Variants in ITM2A observed in about 807,000 individuals in gnomAD.
The protein encoded by ITM2A is integral membrane protein 2A.
In ITM2A, 11 loss-of-function variants were observed where a neutral mutation model predicts 16.6. The ratio of observed to expected loss-of-function variants is 0.66; its 90% CI spans 0.42 to 1.10. The LOEUF is 1.10. ITM2A is among the 50% of genes least tolerant of loss of function. The pLI is 0.00. For missense variants in ITM2A, 243 were observed against 206.8 expected, an observed-to-expected ratio of 1.17 and a Z score of -1.07; for synonymous variants, 102 against 71.2, an observed-to-expected ratio of 1.43 and a Z score of -2.18.
Position 79,361,016 on chromosome X carries a change from A to G in ITM2A, c.*73T>C, listed in dbSNP as rs1372699121. On this transcript the variant is annotated 3_prime_UTR_variant, in exon 6 of 6. Coordinates refer to ENST00000373298, the MANE Select transcript of ITM2A (RefSeq NM_004867.5). ...CATGAGTAAATATCTTGAGTATCCC[A>G]TAAACCTTAATGTTAAAGTCATATT... 1 of 588,933 alleles carries G rather than the reference A, an allele frequency of 1.7e-6. No individual in the cohort carries two copies. Among genetic ancestry groups the G allele is most frequent in the Non-Finnish European group, 2.7e-6 (1 of 369,746 alleles). The allele number at this position is 588,933 out of a possible 1,213,427, so 48.5% of individuals were successfully genotyped here. A position where few individuals can be genotyped will look rare whatever the true frequency, so the allele number is the denominator to read the frequency against.
intron 4 of ITM2A, 85 bp downstream of exon 4, chrX:79,362,496 G>T: frequency 1.2e-5 from 6 of 489,750 alleles, no homozygotes; most frequent in Non-Finnish European, 1.4e-5. Flanking sequence ...AAATGTTTTG[G>T]ACAAATTCAT....
chrX:79,364,922 G>A (rs1187923930), intron 1 of ITM2A, among the ~76,000 whole-genome samples: 1 of 108,712 alleles, frequency 9.2e-6, no homozygotes, highest in Non-Finnish European at 1.9e-5. Flanking sequence ...GCTTTTCTGT[G>A]TCCCAGTAAT....
At chrX:79,365,068 G>A (rs1465733194) in intron 1 of ITM2A, among the ~76,000 whole-genome samples, 3 of 111,049 alleles carry the variant, frequency 2.7e-5, no homozygotes, top group African/African-American at 9.8e-5. Context: ...TTATATTTTA[G>A]ATGACTAAAA....
rs1925401006 is a variant in ITM2A, at chrX:79,361,105, T to G, written c.776A>C (p.Lys259Thr). The change falls in exon 6 of 6, where the codon AAG (lysine) becomes ACG (threonine). Residue 259 changes from lysine (K) to threonine (T), a missense_variant. Physicochemically the swap from Lys to Thr is moderately conservative, Grantham distance 78 (BLOSUM62 -1). Coordinates refer to ENST00000373298, the MANE Select transcript of ITM2A (RefSeq NM_004867.5). ...HFPNEFIVET[K>T]ICQE ...TGTTGCCTCTTACTCTTGACAGATCTTGGTCTCAACAATAAATTCGTTGGG... is the reference window on the plus strand; with the variant it reads ...TGTTGCCTCTTACTCTTGACAGATCGTGGTCTCAACAATAAATTCGTTGGG... The G allele has an allele frequency of 1.7e-6, 2 of 1,189,869 alleles. No homozygotes were observed. Among genetic ancestry groups the G allele is most frequent in the African/African-American group, 1.8e-5 (1 of 56,821 alleles).
At chrX:79,366,568 C>T (rs939008559) in intron 1 of ITM2A, among the ~76,000 whole-genome samples, 1 of 111,416 alleles carries the variant, frequency 9.0e-6, no homozygotes, top group African/African-American at 3.3e-5. Context: ...CCAACCCATA[C>T]TGCTTGGAGT....
chrX:79,362,396 C>A (rs1306026212), intron 4 of ITM2A, among the ~76,000 whole-genome samples, 185 bp downstream of exon 4: 1 of 111,830 alleles, frequency 8.9e-6, no homozygotes, highest in African/African-American at 3.3e-5. Flanking sequence ...CTTTCCTACA[C>A]CAGATAATGA....
At position 79,362,980 on chromosome X, in the gene ITM2A, C is replaced by T. The variant is rs200931873; in HGVS notation, c.403G>A (p.Asp135Asn). 2.5e-6 allele frequency: 3 copies of T among 1,205,512 alleles called. No homozygotes were observed. The African/African-American group carries it at 5.3e-5, about 21-fold the overall frequency. The change falls in exon 3 of 6, where the codon GAT (aspartate) becomes AAT (asparagine). Residue 135 changes from aspartate to asparagine, a missense_variant. Coordinates refer to ENST00000373298, the MANE Select transcript of ITM2A (RefSeq NM_004867.5). ...IIDVPVPSFS[D>N]SDPAAIIHDF... ...TGAATAATTGCTGCAGGGTCACTAT[C>T]AGAGAAACTGGGGACAGGCACATCA...
chrX:79,361,346 C>T lies in ITM2A; in HGVS notation c.686G>A (p.Arg229His), dbSNP rs781097959. 20 of 1,208,044 alleles carry T rather than the reference C, an allele frequency of 1.7e-5. No individual in the cohort carries two copies. Among genetic ancestry groups the T allele is most frequent in the Non-Finnish European group, 2.2e-5 (20 of 892,918 alleles). Reference protein sequence around the residue: ...CNNRKSFRLRRRDLLLGFNKR... With the variant: ...CNNRKSFRLRHRDLLLGFNKR... ...TTACTTACCCAGCAAGAGGTCTCTG[C>T]GACGAAGGCGGAAGGACTTTCTGTT... is the stretch of plus-strand genomic sequence containing the variant. Residue 229 changes from arginine to histidine, a missense_variant, in exon 5 of 6, where the codon CGC becomes CAC. Physicochemically the swap from Arg to His is conservative, Grantham distance 29 (BLOSUM62 0). Coordinates refer to ENST00000373298, the MANE Select transcript of ITM2A (RefSeq NM_004867.5).
Position 79,363,548 on chromosome X carries a change from G to C in ITM2A, c.118C>G (p.Arg40Gly). ...RTQILTGKEL[R>G]VATQEKEGSS... The stretch of plus-strand genomic sequence containing the variant: ...CCCTCTTTTTCCTGGGTGGCAACTC[G>C]GAGCTCCTATTTATTAAAAAGCAAA... Residue 40 changes from arginine (R) to glycine (G), a missense_variant, in exon 2 of 6, where the codon CGA becomes GGA. Physicochemically the swap from Arg to Gly is moderately radical, Grantham distance 125. Coordinates refer to ENST00000373298, the MANE Select transcript of ITM2A (RefSeq NM_004867.5). The C allele has an allele frequency of 8.5e-7, 1 of 1,173,381 alleles. No homozygotes were observed. The highest frequency in any genetic ancestry group is 2.4e-5 in the Admixed American group (1 of 41,468).
intron 1 of ITM2A, among the ~76,000 whole-genome samples, chrX:79,366,503 A>G (rs1260238916): frequency 9.0e-6 from 1 of 110,711 alleles, no homozygotes; most frequent in African/African-American, 3.3e-5. Flanking sequence ...GTTTAAAGCC[A>G]CCTATGACCA....
intron 1 of ITM2A, among the ~76,000 whole-genome samples, chrX:79,365,555 G>A (rs767621274): frequency 9.0e-6 from 1 of 110,737 alleles, no homozygotes; most frequent in Non-Finnish European, 1.9e-5. Context: ...TATAATCAAA[G>A]TGCAAATGCT....
chrX:79,362,922 T>C lies in ITM2A; in HGVS notation c.441+20A>G. 8.7e-7 allele frequency: 1 copy of C among 1,148,449 alleles called. No individual in the cohort carries two copies. Among genetic ancestry groups the C allele is most frequent in the East Asian group, 3.0e-5 (1 of 33,573 alleles). The allele number at this position is 1,148,449 out of a possible 1,213,427, so 94.6% of individuals were successfully genotyped here. A position where few individuals can be genotyped will look rare whatever the true frequency, so the allele number is the denominator to read the frequency against. On this transcript the variant is annotated intron_variant, in intron 3 of 5. Transcript: ENST00000373298. ...GAGAGAAAAAAAATCCTGGAATATT[T>C]ATAAGAATGAGAAGCCCACCTTTTC...
In ITM2A at chrX:79,363,425, T is replaced by C; in HGVS notation, c.241A>G (p.Lys81Glu). ...GACIYKYFMPKSTIYRGEMCF... is the reference protein window; with the variant it reads ...GACIYKYFMPESTIYRGEMCF... Reference sequence around the variant, plus strand: ...ATAATTATAATTATTATTATTACCTTGGGCATGAAGTACTTGTAAATGCAG... The same window carrying C: ...ATAATTATAATTATTATTATTACCTCGGGCATGAAGTACTTGTAAATGCAG... The change falls in exon 2 of 6, where the codon AAG becomes GAG. Residue 81 changes from lysine (K) to glutamate (E), a missense_variant and splice_region_variant. By Grantham distance (56) the Lys-to-Glu change is moderately conservative. Transcript: ENST00000373298. 1 of 1,118,952 alleles carries C rather than the reference T, an allele frequency of 8.9e-7. No individual in the cohort carries two copies. The highest frequency in any genetic ancestry group is 1.2e-6 in the Non-Finnish European group (1 of 842,213). 92.2% of individuals were successfully genotyped at this position (1,118,952 alleles called of 1,213,427 possible). A position where few individuals can be genotyped will look rare whatever the true frequency, so the allele number is the denominator to read the frequency against.
chrX:79,363,502 A>G lies in ITM2A; in HGVS notation c.164T>C (p.Leu55Pro), dbSNP rs1297788287. Residue 55 changes from leucine to proline, a missense_variant, in exon 2 of 6, where the codon CTT becomes CCT. Leu to Pro is a moderately conservative substitution (Grantham distance 98, BLOSUM62 -3). Coordinates refer to ENST00000373298, the MANE Select transcript of ITM2A (RefSeq NM_004867.5). ...EKEGSSGRCM[L>P]TLLGLSFILA... is the part of the protein sequence containing the mutation. Reference sequence around the variant, plus strand: ...GATGAATGAAAGGCCTAAGAGAGTAAGCATACATCTCCCAGAGGAGCCCTC... The same window carrying G: ...GATGAATGAAAGGCCTAAGAGAGTAGGCATACATCTCCCAGAGGAGCCCTC... The G allele has an allele frequency of 2.5e-6, 3 of 1,187,865 alleles. No individual in the cohort carries two copies. The highest frequency in any genetic ancestry group is 3.4e-6 in the Non-Finnish European group (3 of 880,307).
At chrX:79,361,739 G>C (rs773882093) in intron 4 of ITM2A, among the ~76,000 whole-genome samples, 1 of 110,701 alleles carries the variant, frequency 9.0e-6, no homozygotes, top group Admixed American at 9.6e-5. Flanking sequence ...CTTTGCATTT[G>C]GCTCTCACTT....
chrX:79,361,385 T>C lies in ITM2A; in HGVS notation c.647A>G (p.Tyr216Cys), dbSNP rs780326961. 8.3e-7 allele frequency: 1 copy of C among 1,206,760 alleles called. No homozygotes were observed. Among genetic ancestry groups the C allele is most frequent in the African/African-American group, 1.7e-5 (1 of 57,375 alleles). Residue 216 changes from tyrosine to cysteine, a missense_variant, in exon 5 of 6, where the codon TAC (tyrosine) becomes TGC (cysteine). Coordinates refer to ENST00000373298, the MANE Select transcript of ITM2A (RefSeq NM_004867.5). ...GGACTTTCTGTTATTGCAAAGTTGG[T>C]AAATAAAGATGCCAAGGTTACTAAC... The part of the protein sequence containing the change: ...RDVSNLGIFI[Y>C]QLCNNRKSFR...
intron 1 of ITM2A, among the ~76,000 whole-genome samples, chrX:79,364,642 G>T (rs749743542): frequency 1.4e-4 from 16 of 111,619 alleles, no homozygotes; most frequent in Non-Finnish European, 3.0e-4. Context: ...TATATAAATC[G>T]AATTGTTTTA....
rs1925605164 is a variant in ITM2A, at chrX:79,367,174, C to T, written c.42G>A (p.Lys14=). ...IAFNTPTAVQ[K]EEARQDVEAL... is the part of the protein sequence containing the mutation. The stretch of plus-strand genomic sequence containing the variant: ...CCTCCACGTCTTGCCGCGCCTCCTC[C>T]TTTTGCACGGCGGTAGGGGTATTGA... The change falls in exon 1 of 6, where the codon AAG becomes AAA. Residue 14 remains lysine (K), a synonymous_variant. Transcript: ENST00000373298. 8.3e-7 allele frequency: 1 copy of T among 1,209,751 alleles called. No homozygotes were observed. The highest frequency in any genetic ancestry group is 1.1e-6 in the Non-Finnish European group (1 of 894,388).
Position 79,362,923 on chromosome X carries a change from A to C in ITM2A, c.441+19T>G. ...AGAGAAAAAAAATCCTGGAATATTTATAAGAATGAGAAGCCCACCTTTTCA... is the reference window on the plus strand; with the variant it reads ...AGAGAAAAAAAATCCTGGAATATTTCTAAGAATGAGAAGCCCACCTTTTCA... On this transcript the variant is annotated intron_variant, in intron 3 of 5. Transcript: ENST00000373298. The C allele has an allele frequency of 8.7e-7, 1 of 1,150,399 alleles. No homozygotes were observed. Among genetic ancestry groups the C allele is most frequent in the East Asian group, 3.0e-5 (1 of 33,525 alleles). 94.8% of individuals were successfully genotyped at this position (1,150,399 alleles called of 1,213,427 possible).
Sources: allele counts gnomAD v4.1 joint callset (sites outside exome capture counted in the v4.1 genomes callset), GRCh38; gene constraint gnomAD v4.1.1; transcripts MANE v1.5; gene names NCBI Gene and HGNC (gene_info 2026-07-23, HGNC 2026-07-21).